Variants in CEP128 observed in about 807,000 individuals in gnomAD.
The protein encoded by CEP128 is centrosomal protein 128kDa.
CEP128 carries 132 observed loss-of-function variants against 156.7 expected under a neutral mutation model. The ratio of observed to expected loss-of-function variants is 0.84; its 90% CI spans 0.73 to 0.97. CEP128 has a LOEUF of 0.97. Ranked by LOEUF, CEP128 falls within the 50% of genes least tolerant of loss-of-function variation. CEP128 has a pLI of 0.00. For missense variants in CEP128, 1,252 were observed against 1,281.9 expected, an observed-to-expected ratio of 0.98 and a Z score of 0.36; for synonymous variants, 469 against 448.9, an observed-to-expected ratio of 1.04 and a Z score of -0.57.
intron 19 of CEP128, among the ~76,000 whole-genome samples, chr14:80,735,693 A>G (rs1898494259): frequency 6.6e-6 from 1 of 152,202 alleles, no homozygotes; most frequent in Non-Finnish European, 1.5e-5. Context: ...TGTCCGTTAG[A>G]AGTTCAATAC....
chr14:80,916,515 G>GAAGTGA lies in CEP128; in HGVS notation c.27_32dup (p.His10_Phe11dup), dbSNP rs770223279. 2 of 1,613,820 alleles carry GAAGTGA rather than the reference G, an allele frequency of 1.2e-6. No homozygotes were observed. The highest frequency in any genetic ancestry group is 4.5e-5 in the East Asian group (2 of 44,892). ...ATGGACTCAATCGGTCACGACAGCGGAAGTGATCTGATTCGCTGGATGATT... is the reference window on the plus strand; with the variant it reads ...ATGGACTCAATCGGTCACGACAGCGGAAGTGAAAGTGATCTGATTCGCTGGATGATT... On this transcript the variant is annotated inframe_insertion, in exon 3 of 25. Transcript: ENST00000555265.
intron 19 of CEP128, among the ~76,000 whole-genome samples, chr14:80,597,660 G>A (rs1003486430): frequency 1.3e-5 from 2 of 150,154 alleles, no homozygotes; most frequent in Admixed American, 6.6e-5. Context: ...AAAAAAAACC[G>A]CAGCTTTCTC....
intron 2 of CEP128, among the ~76,000 whole-genome samples, chr14:80,933,050 T>C (rs1308835793): frequency 2.0e-5 from 3 of 152,164 alleles, no homozygotes; most frequent in African/African-American, 7.2e-5. Context: ...AGTACCCACA[T>C]TGGGCAGCTT....
chr14:80,756,695 G>A (rs527773896), intron 18 of CEP128, among the ~76,000 whole-genome samples, 197 bp downstream of exon 18: 1 of 151,978 alleles, frequency 6.6e-6, no homozygotes, highest in South Asian at 2.1e-4. Flanking sequence ...CTCTTTCTAG[G>A]CCTACATATT....
rs1349504308 is a variant in CEP128 at position 80,614,706 on chromosome 14, T to C, written c.2807-34283A>G. ...CACCCAGATACCTTCTACTAAACCT[T>C]TGAAAGTCAAATATCGTGTTATCTC... On this transcript the variant is annotated intron_variant, in intron 19 of 24. Coordinates refer to ENST00000555265, the MANE Select transcript of CEP128 (RefSeq NM_152446.5). Among the ~76,000 whole-genome samples the C allele has an allele frequency of 5.9e-5, 9 of 152,204 alleles. No individual in the cohort carries two copies. The South Asian group carries it at 1.9e-3, about 32-fold the overall frequency.
intron 9 of CEP128, among the ~76,000 whole-genome samples, chr14:80,843,549 G>C (rs1229032502): frequency 2.6e-5 from 4 of 151,858 alleles, no homozygotes; most frequent in African/African-American, 9.7e-5. Flanking sequence ...GAATGAAAAA[G>C]TTATATCACT....
chr14:80,882,439 GA>G (rs1270865905), intron 8 of CEP128, among the ~76,000 whole-genome samples: 13 of 152,102 alleles, frequency 8.5e-5, no homozygotes, highest in African/African-American at 2.9e-4. Context: ...TGAGGGTATG[GA>G]AAAAAAGAGA....
At chr14:80,894,914 T>A (rs1889275564) in intron 8 of CEP128, among the ~76,000 whole-genome samples, 1 of 151,892 alleles carries the variant, frequency 6.6e-6, no homozygotes, top group African/African-American at 2.4e-5. Flanking sequence ...AGAAAAATTA[T>A]CTACTTTTAC....
intron 13 of CEP128, among the ~76,000 whole-genome samples, chr14:80,821,934 C>CGTCTAACATGGTG (rs71103886): frequency 9.9e-5 from 15 of 151,758 alleles, no homozygotes; most frequent in African/African-American, 3.4e-4. Flanking sequence ...GTGACAGGCA[C>CGTCTAACATGGTG]GCAGACAAGA....
Position 80,777,974 on chromosome 14 carries a change from C to A in CEP128, c.2284G>T (p.Asp762Tyr), listed in dbSNP as rs1385931690. 1.2e-5 allele frequency: 19 copies of A among 1,613,266 alleles called. No homozygotes were observed. Among genetic ancestry groups the A allele is most frequent in the Admixed American group, 3.3e-5 (2 of 59,998 alleles). The change falls in exon 16 of 25, where the codon GAC becomes TAC. Residue 762 changes from aspartate (D) to tyrosine (Y), a missense_variant. Coordinates refer to ENST00000555265, the MANE Select transcript of CEP128 (RefSeq NM_152446.5). ...GQLEKLKSQC[D>Y]RLTEELTQNE... ...TGGGTTAATTCCTCTGTCAGTCTGT[C>A]ACACTGTGATTTCAACTTCTCCAGC...
chr14:80,743,766 T>C (rs1898954675), intron 18 of CEP128, among the ~76,000 whole-genome samples: 1 of 152,188 alleles, frequency 6.6e-6, no homozygotes, highest in Admixed American at 6.6e-5. Flanking sequence ...GATATAGAGT[T>C]AATGTTTATG....
In CEP128 at chr14:80,656,305, A is replaced by T. The variant is rs1318756866; in HGVS notation, c.2807-75882T>A. Among the ~76,000 whole-genome samples, 54 of 12,432 alleles carry T rather than the reference A, an allele frequency of 4.3e-3. 6 individuals carry two copies. Among genetic ancestry groups the T allele is most frequent in the Non-Finnish European group, 6.7e-3 (41 of 6,152 alleles). The allele number at this position is 12,432 out of a possible 152,430, so 8.2% of individuals were successfully genotyped here. Reference sequence around the variant, plus strand: ...TATATATATATTTATATATATATATATATATATATATATATATATATATAT... The same window carrying T: ...TATATATATATTTATATATATATATTTATATATATATATATATATATATAT... On this transcript the variant is annotated intron_variant, in intron 19 of 24. Transcript: ENST00000555265.
At chr14:80,538,164 G>A (rs1276823181) in intron 21 of CEP128, among the ~76,000 whole-genome samples, 1 of 151,552 alleles carries the variant, frequency 6.6e-6, no homozygotes, top group Non-Finnish European at 1.5e-5. Context: ...TTTTTTTAAA[G>A]CTGAATCTCT....
intron 18 of CEP128, among the ~76,000 whole-genome samples, chr14:80,755,903 G>A (rs777229271): frequency 6.6e-6 from 1 of 152,146 alleles, no homozygotes; most frequent in African/African-American, 2.4e-5. Context: ...CTGATCAGAA[G>A]TTCAATCCCA....
intron 19 of CEP128, among the ~76,000 whole-genome samples, chr14:80,729,058 G>GTGTGTGTGTGTGTGTGTATGT (rs1344457542): frequency 1.9e-5 from 2 of 105,056 alleles, no homozygotes; most frequent in Non-Finnish European, 1.8e-5. Flanking sequence ...GGCTGGTGGG[G>GTGTGTGTGTGTGTGTGTATGT]GTGTGTGTGT....
At chr14:80,631,582 T>C (rs1158585993) in intron 19 of CEP128, among the ~76,000 whole-genome samples, 1 of 152,048 alleles carries the variant, frequency 6.6e-6, no homozygotes, top group Non-Finnish European at 1.5e-5. Context: ...CAAAGATCAA[T>C]GAGTAAAGAA....
At chr14:80,656,551 C>T (rs780691001) in intron 19 of CEP128, among the ~76,000 whole-genome samples, 23 of 151,278 alleles carry the variant, frequency 1.5e-4, no homozygotes, top group Non-Finnish European at 1.5e-5. Flanking sequence ...AGTTTATACC[C>T]CTCTTAACTA....
At chr14:80,645,238 T>C (rs1269979074) in intron 19 of CEP128, among the ~76,000 whole-genome samples, 20 of 152,190 alleles carry the variant, frequency 1.3e-4, no homozygotes. Flanking sequence ...ATGGTTTTAC[T>C]TTTTAAAACA....
intron 8 of CEP128, among the ~76,000 whole-genome samples, chr14:80,891,180 T>C (rs761122573): frequency 9.2e-5 from 14 of 152,130 alleles, no homozygotes; most frequent in Non-Finnish European, 2.1e-4. Flanking sequence ...AGCTACCACA[T>C]GATCCAGCAA....
Sources: gnomAD v4.1 joint callset for allele counts (sites outside exome capture counted in the v4.1 genomes callset) on GRCh38, gnomAD v4.1.1 for gene constraint, MANE v1.5 for transcripts, NCBI Gene and HGNC (gene_info 2026-07-23, HGNC 2026-07-21) for gene names.